The following PLCE1 variants were observed in gnomAD, a reference collection of about 807,000 sequenced individuals.
The protein encoded by PLCE1 is phospholipase C epsilon 1, also known as 1-phosphatidylinositol 4,5-bisphosphate phosphodiesterase epsilon-1.
In PLCE1, 119 loss-of-function variants were observed where a neutral mutation model predicts 242.8. The ratio of observed to expected loss-of-function variants is 0.49; its 90% CI spans 0.42 to 0.57. The LOEUF is 0.57. PLCE1 is among the 20% of genes least tolerant of loss of function. The pLI is 0.00. For missense variants in PLCE1, 2,441 were observed against 2,788.8 expected (o/e 0.88, Z 2.81); for synonymous variants, 945 against 1,017.4 (o/e 0.93, Z 1.35).
chr10:94,188,138 TCTC>T (rs2048541232), intron 4 of PLCE1, among the ~76,000 whole-genome samples: 2 of 152,196 alleles, frequency 1.3e-5, no homozygotes, highest in Non-Finnish European at 2.9e-5. Flanking sequence ...TGTAAAATAT[TCTC>T]CTCAATGAAA....
At chr10:94,124,521 A>G (rs2046387150) in intron 2 of PLCE1, among the ~76,000 whole-genome samples, 1 of 152,168 alleles carries the variant, frequency 6.6e-6, no homozygotes, top group South Asian at 2.1e-4. Flanking sequence ...TGGGGCAAAG[A>G]GTAGGTTATG....
intron 2 of PLCE1, chr10:94,088,281 T>TA (rs1326234174): frequency 6.6e-6 from 1 of 152,224 alleles, no homozygotes; most frequent in Admixed American, 6.5e-5. Context: ...AAACACTTCT[T>TA]AAAATTTACT....
chr10:94,006,145 T>C (rs925915962), intron 1 of PLCE1, among the ~76,000 whole-genome samples: 3 of 152,238 alleles, frequency 2.0e-5, no homozygotes, highest in Admixed American at 2.0e-4. Flanking sequence ...GATTTACAGA[T>C]TAAGCTATTT....
At chr10:94,102,928 T>C (rs1208192754) in intron 2 of PLCE1, among the ~76,000 whole-genome samples, 1 of 152,254 alleles carries the variant, frequency 6.6e-6, no homozygotes, top group Non-Finnish European at 1.5e-5. Context: ...TAAAATAGTT[T>C]GGTTTGTTTT....
intron 2 of PLCE1, chr10:94,105,365 C>T (rs1373032098): frequency 1.3e-5 from 2 of 152,348 alleles, no homozygotes. Flanking sequence ...CACCAGGGAT[C>T]ACCTGTCAGT....
intron 5 of PLCE1, among the ~76,000 whole-genome samples, chr10:94,233,820 C>T (rs908694816): frequency 1.3e-4 from 19 of 151,844 alleles, no homozygotes; most frequent in South Asian, 2.1e-4. Context: ...TAGTGGCGCG[C>T]GCCTATAATC....
chr10:94,310,123 C>T (rs1332408468), intron 27 of PLCE1, among the ~76,000 whole-genome samples: 2 of 152,148 alleles, frequency 1.3e-5, no homozygotes, highest in Non-Finnish European at 2.9e-5. Context: ...CATTGGTTAC[C>T]CCCTTTACAT....
At chr10:94,243,135 G>A (rs755117445) in intron 7 of PLCE1, among the ~76,000 whole-genome samples, 1 of 152,196 alleles carries the variant, frequency 6.6e-6, no homozygotes, top group Non-Finnish European at 1.5e-5. Context: ...CCTCAGCCAG[G>A]TGATCAGTAT....
At chr10:94,084,036 G>A (rs1289272274) in intron 2 of PLCE1, among the ~76,000 whole-genome samples, 3 of 152,140 alleles carry the variant, frequency 2.0e-5, no homozygotes, top group Non-Finnish European at 4.4e-5. Context: ...TTAGCACCAT[G>A]GGGTGCTTAG....
chr10:94,319,356 G>A (rs1589536042), intron 29 of PLCE1, among the ~76,000 whole-genome samples: 2 of 152,160 alleles, frequency 1.3e-5, no homozygotes, highest in Admixed American at 1.3e-4. Flanking sequence ...CTGAATGTAA[G>A]AGGGCACTAC....
intron 11 of PLCE1, among the ~76,000 whole-genome samples, chr10:94,257,564 T>C (rs1405806073): frequency 6.6e-6 from 1 of 152,190 alleles, no homozygotes; most frequent in Non-Finnish European, 1.5e-5. Flanking sequence ...ATGTGACACA[T>C]AGACACCATT....
At chr10:94,110,985 C>G (rs915278230) in intron 2 of PLCE1, among the ~76,000 whole-genome samples, 2 of 152,220 alleles carry the variant, frequency 1.3e-5, no homozygotes, top group African/African-American at 4.8e-5. Flanking sequence ...AATGTCTCCA[C>G]ACATTGCCAA....
intron 3 of PLCE1, among the ~76,000 whole-genome samples, chr10:94,155,345 T>G (rs893681864): frequency 6.6e-6 from 1 of 152,184 alleles, no homozygotes; most frequent in African/African-American, 2.4e-5. Flanking sequence ...TGATAAACCT[T>G]GAAATCATTA....
rs2054128755 is a variant in PLCE1 at position 94,329,323 on chromosome 10, CTT to C, written c.*1383_*1384del. 6.6e-6 allele frequency: 1 copy of C among 152,186 alleles called. No individual in the cohort carries two copies. The highest frequency in any genetic ancestry group is 2.4e-5 in the African/African-American group (1 of 41,456). 9.4% of individuals were successfully genotyped at this position (152,186 alleles called of 1,614,324 possible). On this transcript the variant is annotated 3_prime_UTR_variant, in exon 33 of 33. Coordinates refer to ENST00000371380, the MANE Select transcript of PLCE1 (RefSeq NM_016341.4). The stretch of plus-strand genomic sequence containing the variant: ...AATATGTATTCCTCTAAAACCCAAA[CTT>C]TTATCTTTCCATTGGTATCTTTGAA...
At chr10:94,267,963 A>G (rs1279937144) in intron 16 of PLCE1, among the ~76,000 whole-genome samples, 1 of 152,228 alleles carries the variant, frequency 6.6e-6, no homozygotes, top group Non-Finnish European at 1.5e-5. Context: ...GATTGCTGTC[A>G]CACAGAAATA....
intron 2 of PLCE1, among the ~76,000 whole-genome samples, chr10:94,096,045 GTGACTTCATTGCCCATTCCCAGA>G (rs1457879405): frequency 2.0e-5 from 3 of 152,132 alleles, no homozygotes; most frequent in Non-Finnish European, 4.4e-5. Context: ...TATTTGGGCC[GTGACTTCATTGCCCATTCCCAGA>G]TTGCTGAGAT....
intron 4 of PLCE1, among the ~76,000 whole-genome samples, chr10:94,213,060 T>C (rs1434677072): frequency 6.6e-6 from 1 of 152,222 alleles, no homozygotes; most frequent in African/African-American, 2.4e-5. Context: ...TTGAATTCCA[T>C]ACTCTCAGCT....
At chr10:94,273,498 G>A (rs1393606833) in intron 18 of PLCE1, 64 bp from the exon 19 acceptor site, 2 of 1,396,100 alleles carry the variant, frequency 1.4e-6, no homozygotes, top group Non-Finnish European at 2.0e-6. Context: ...TTTATGAAGT[G>A]TACATATATT....
intron 2 of PLCE1, among the ~76,000 whole-genome samples, chr10:94,038,308 C>T (rs950249822): frequency 4.6e-5 from 7 of 152,132 alleles, no homozygotes; most frequent in African/African-American, 1.2e-4. Flanking sequence ...GCTCAGACAG[C>T]GCCCTCTCTC....
Sources: allele counts gnomAD v4.1 joint callset (sites outside exome capture counted in the v4.1 genomes callset), GRCh38; gene constraint gnomAD v4.1.1; transcripts MANE v1.5; gene names NCBI Gene and HGNC (gene_info 2026-07-23, HGNC 2026-07-21).